The following NDST4 variants were observed in gnomAD, a reference collection of about 807,000 sequenced individuals.
NDST4 encodes N-deacetylase and N-sulfotransferase 4.
In NDST4, 63 loss-of-function variants were observed where a neutral mutation model predicts 100.8. That is an observed-to-expected ratio of 0.62 (90% CI 0.51 to 0.77). NDST4 has a LOEUF of 0.77. Ranked by LOEUF, NDST4 falls within the 30% of genes least tolerant of loss-of-function variation. The pLI, the probability that NDST4 is intolerant of heterozygous loss-of-function variation, is 0.00. For missense variants in NDST4, 943 were observed against 1,018.4 expected, an observed-to-expected ratio of 0.93 and a Z score of 1.01; for synonymous variants, 377 against 361.8, an observed-to-expected ratio of 1.04 and a Z score of -0.48.
intron 6 of NDST4, among the ~76,000 whole-genome samples, chr4:114,900,693 T>C (rs1314761593): frequency 6.6e-6 from 1 of 152,128 alleles, no homozygotes; most frequent in African/African-American, 2.4e-5. Flanking sequence ...GAAGATACAT[T>C]CTATAACATT....
At chr4:114,879,712 C>T (rs1207210644) in intron 6 of NDST4, among the ~76,000 whole-genome samples, 1 of 152,118 alleles carries the variant, frequency 6.6e-6, no homozygotes, top group East Asian at 1.9e-4. Context: ...TCCTTGATAA[C>T]ATACACTTCT....
intron 4 of NDST4, among the ~76,000 whole-genome samples, chr4:114,964,267 T>C (rs1726331827): frequency 6.6e-6 from 1 of 152,158 alleles, no homozygotes; most frequent in Non-Finnish European, 1.5e-5. Flanking sequence ...CATGTGAGCT[T>C]GGCAGCAGGT....
chr4:114,861,402 GTATT>G (rs1723914913), intron 7 of NDST4, among the ~76,000 whole-genome samples: 1 of 152,156 alleles, frequency 6.6e-6, no homozygotes, highest in African/African-American at 2.4e-5. Context: ...GTATGTAAGA[GTATT>G]TATTATTTGA....
At chr4:114,953,047 TG>T (rs763494820) in intron 4 of NDST4, among the ~76,000 whole-genome samples, 3 of 148,770 alleles carry the variant, frequency 2.0e-5, no homozygotes, top group African/African-American at 7.4e-5. Context: ...TTTTTTTTTG[TG>T]GGAAGGCCTT....
intron 6 of NDST4, among the ~76,000 whole-genome samples, chr4:114,873,561 T>C (rs778365286): frequency 3.9e-5 from 6 of 152,014 alleles, no homozygotes; most frequent in African/African-American, 1.4e-4. Context: ...TCTCTCACTC[T>C]TGAATTCTTT....
chr4:114,849,651 A>G (rs1338497354), intron 8 of NDST4, among the ~76,000 whole-genome samples: 1 of 152,220 alleles, frequency 6.6e-6, no homozygotes, highest in Non-Finnish European at 1.5e-5. Context: ...GACATGTTAA[A>G]ACACCTAGAA....
intron 4 of NDST4, among the ~76,000 whole-genome samples, chr4:114,938,943 T>G (rs1725690594): frequency 6.6e-6 from 1 of 152,154 alleles, no homozygotes; most frequent in Non-Finnish European, 1.5e-5. Flanking sequence ...TGGGGAGAAT[T>G]TCATTTCTTG....
rs751431042 is a variant in NDST4 at position 115,102,704 on chromosome 4, C to CTTTTTTTTTTTT, written c.-247+10728_-247+10739dup. 1.7e-3 allele frequency among the ~76,000 whole-genome samples: 151 copies of CTTTTTTTTTTTT among 90,558 alleles called. 4 individuals are homozygous for CTTTTTTTTTTTT. The highest frequency in any genetic ancestry group is 1.9e-3 in the South Asian group (5 of 2,618). The allele number at this position is 90,558 out of a possible 152,430, so 59.4% of individuals were successfully genotyped here. A position where few individuals can be genotyped will look rare whatever the true frequency, so the allele number is the denominator to read the frequency against. On this transcript the variant is annotated intron_variant, in intron 1 of 13. Transcript: ENST00000264363. The stretch of plus-strand genomic sequence containing the variant: ...TTATATACCATATACTTCTGACTTC[C>CTTTTTTTTTTTT]TTTTTTTTTTTTTTTTTTTTTGACA...
chr4:114,892,644 G>A (rs1235589682), intron 6 of NDST4, among the ~76,000 whole-genome samples: 3 of 151,934 alleles, frequency 2.0e-5, no homozygotes, highest in Non-Finnish European at 4.4e-5. Context: ...AGTTAGAAAT[G>A]GGTATACCGG....
intron 4 of NDST4, among the ~76,000 whole-genome samples, chr4:114,954,854 A>G (rs1726103479): frequency 2.0e-5 from 3 of 152,096 alleles, no homozygotes; most frequent in South Asian, 2.1e-4. Context: ...TGCAATAGTG[A>G]GTGAATTCTC....
chr4:114,841,619 C>T (rs570899797), intron 10 of NDST4, among the ~76,000 whole-genome samples: 15 of 152,278 alleles, frequency 9.9e-5, no homozygotes, highest in African/African-American at 3.6e-4. Context: ...AGTGACCATG[C>T]TTTCTGCTAG....
At chr4:115,064,954 C>T (rs1182487591) in intron 2 of NDST4, among the ~76,000 whole-genome samples, 1 of 152,044 alleles carries the variant, frequency 6.6e-6, no homozygotes, top group Non-Finnish European at 1.5e-5. Context: ...TAGACCTTAA[C>T]CCATTAAAAT....
intron 2 of NDST4, among the ~76,000 whole-genome samples, chr4:114,987,495 C>A (rs1560845844): frequency 6.6e-6 from 1 of 152,146 alleles, no homozygotes; most frequent in Non-Finnish European, 1.5e-5. Flanking sequence ...GAGCTACCTT[C>A]TTCTTCAAGT....
At chr4:115,024,241 G>A (rs1222796804) in intron 2 of NDST4, among the ~76,000 whole-genome samples, 1 of 152,066 alleles carries the variant, frequency 6.6e-6, no homozygotes, top group Admixed American at 6.5e-5. Flanking sequence ...CCATGAAGGT[G>A]GGGTCACCTT....
intron 2 of NDST4, among the ~76,000 whole-genome samples, chr4:115,049,917 C>G (rs993596219): frequency 2.0e-5 from 3 of 152,084 alleles, no homozygotes; most frequent in East Asian, 1.9e-4. Flanking sequence ...GCCCATTAAG[C>G]CTTAGTTCAT....
At position 114,922,591 on chromosome 4, in the gene NDST4, C is replaced by T. The variant is rs80088802; in HGVS notation, c.1536+12615G>A. Reference sequence around the variant, plus strand: ...AAAGCTTTTTAACAAACGTTCCCTCCTGCTCTGAAGCTTGCCTCAGTCCCA... The same window carrying T: ...AAAGCTTTTTAACAAACGTTCCCTCTTGCTCTGAAGCTTGCCTCAGTCCCA... On this transcript the variant is annotated intron_variant, in intron 6 of 13. Transcript: ENST00000264363. Among the ~76,000 whole-genome samples the T allele has an allele frequency of 0.014, 2,104 of 152,270 alleles. 80 individuals carry two copies. The South Asian group carries it at 0.15, about 11-fold the overall frequency.
intron 6 of NDST4, among the ~76,000 whole-genome samples, chr4:114,882,668 T>C (rs1205238472): frequency 6.6e-6 from 1 of 151,752 alleles, no homozygotes; most frequent in East Asian, 1.9e-4. Context: ...AATGCCAGAA[T>C]AGGAAAAAAG....
chr4:114,863,714 A>T (rs1382705754), intron 7 of NDST4, among the ~76,000 whole-genome samples: 6 of 152,240 alleles, frequency 3.9e-5, no homozygotes, highest in Non-Finnish European at 5.9e-5. Context: ...TAGTGAAAGT[A>T]CATGTAACTC....
chr4:115,068,781 A>G (rs1479627670), intron 2 of NDST4, among the ~76,000 whole-genome samples: 10 of 148,852 alleles, frequency 6.7e-5, no homozygotes, highest in South Asian at 2.1e-4. Flanking sequence ...GCACCACTGC[A>G]CTCCAGCTTG....
Sources: allele counts gnomAD v4.1 joint callset (sites outside exome capture counted in the v4.1 genomes callset), GRCh38; gene constraint gnomAD v4.1.1; transcripts MANE v1.5; gene names NCBI Gene and HGNC (gene_info 2026-07-23, HGNC 2026-07-21).